The following RANGAP1 variants were observed in gnomAD, a reference collection of about 807,000 sequenced individuals.
RANGAP1 encodes the protein Ran GTPase activating protein 1.
Under a neutral mutation model 63.5 loss-of-function variants are expected in RANGAP1, and 38 were observed. The ratio of observed to expected loss-of-function variants is 0.60; its 90% CI spans 0.46 to 0.78. RANGAP1 has a LOEUF of 0.78. Ranked by LOEUF, RANGAP1 falls within the 30% of genes least tolerant of loss-of-function variation. RANGAP1 has a pLI of 0.00. For missense variants in RANGAP1, 630 were observed against 740.3 expected, an observed-to-expected ratio of 0.85 and a Z score of 1.73; for synonymous variants, 329 against 310.5, an observed-to-expected ratio of 1.06 and a Z score of -0.63.
chr22:41,296,251 A>T, the RANGAP1 span, among the ~76,000 whole-genome samples: 1 of 151,900 alleles, frequency 6.6e-6, no homozygotes, highest in African/African-American at 2.4e-5. Context: ...GAAAAACAAA[A>T]GCTTATAGAT....
intron 8 of RANGAP1, 97 bp from the exon 9 acceptor site, chr22:41,256,387 G>GA: frequency 8.0e-7 from 1 of 1,249,728 alleles, no homozygotes; most frequent in Non-Finnish European, 1.1e-6. Context: ...GGATATGGCA[G>GA]GCTCTGTCCT....
At chr22:41,283,402 G>A (rs1397302484) in intron 1 of RANGAP1, among the ~76,000 whole-genome samples, 2 of 152,056 alleles carry the variant, frequency 1.3e-5, no homozygotes, top group African/African-American at 4.8e-5. Flanking sequence ...CCAGCTACTC[G>A]GGAGGTTGAG....
chr22:41,274,008 GC>G (rs1206095653), intron 3 of RANGAP1, among the ~76,000 whole-genome samples: 2 of 152,170 alleles, frequency 1.3e-5, no homozygotes, highest in Non-Finnish European at 2.9e-5. Flanking sequence ...AACCCAGGAG[GC>G]GGAGATTGCA....
chr22:41,264,657 C>T lies in RANGAP1; in HGVS notation c.480+7G>A, dbSNP rs537661742. 21 of 1,607,980 alleles carry T rather than the reference C, an allele frequency of 1.3e-5. No individual in the cohort carries two copies. In the South Asian group the frequency reaches 1.5e-4, roughly 12 times the overall value. ...GGACTCTGCGGGGAGGGGGCTGCCA[C>T]ACCCACCTTGCCGCCGCCAATGCCC... On this transcript the variant is annotated splice_region_variant and intron_variant, in intron 5 of 15. Coordinates refer to ENST00000356244, the MANE Select transcript of RANGAP1 (RefSeq NM_002883.4).
chr22:41,255,506 A>G (rs979665720), intron 10 of RANGAP1, among the ~76,000 whole-genome samples: 2 of 151,794 alleles, frequency 1.3e-5, no homozygotes, highest in Non-Finnish European at 2.9e-5. Flanking sequence ...AACAATCCCG[A>G]GTGCAGCCCC....
the RANGAP1 span, among the ~76,000 whole-genome samples, chr22:41,295,439 C>T: frequency 6.6e-6 from 1 of 152,168 alleles, no homozygotes; most frequent in Non-Finnish European, 1.5e-5. Flanking sequence ...TGTATCCACT[C>T]AGGGCTGAAT....
intron 3 of RANGAP1, among the ~76,000 whole-genome samples, chr22:41,269,773 T>C (rs1028617736): frequency 6.6e-6 from 1 of 151,468 alleles, no homozygotes; most frequent in Non-Finnish European, 1.5e-5. Context: ...AGAGAAAAAT[T>C]TGAATGTTCC....
intron 5 of RANGAP1, 126 bp from the exon 6 acceptor site, chr22:41,261,706 A>G: frequency 9.0e-7 from 1 of 1,107,940 alleles, no homozygotes; most frequent in Non-Finnish European, 1.3e-6. Context: ...GGGACGCAGG[A>G]CTGCTAACAG....
At chr22:41,284,079 C>G (rs2145861051) in intron 1 of RANGAP1, among the ~76,000 whole-genome samples, 1 of 151,224 alleles carries the variant, frequency 6.6e-6, no homozygotes, top group Non-Finnish European at 1.5e-5. Flanking sequence ...AAACCCGTCT[C>G]CACTAAAAAT....
In RANGAP1 at chr22:41,278,935, G is replaced by A. The variant is rs572676972; in HGVS notation, c.112+1998C>T. Among the ~76,000 whole-genome samples the A allele has an allele frequency of 5.3e-5, 8 of 151,848 alleles. No homozygotes were observed. In the South Asian group the frequency reaches 1.5e-3, roughly 28 times the overall value. ...GAGAGGATCATGAGGTCAGGAGATC[G>A]AGACCATCTTGGCTAACTAACACGG... On this transcript the variant is annotated intron_variant, in intron 2 of 15. Coordinates refer to ENST00000356244, the MANE Select transcript of RANGAP1 (RefSeq NM_002883.4).
chr22:41,275,758 G>A (rs148378614), intron 2 of RANGAP1, among the ~76,000 whole-genome samples: 1,700 of 150,740 alleles, frequency 0.011, 29 homozygotes, highest in African/African-American at 0.04. Flanking sequence ...TAGCCTGGGC[G>A]ACACAGTGAG....
chr22:41,295,560 G>A, the RANGAP1 span, among the ~76,000 whole-genome samples: 5 of 150,576 alleles, frequency 3.3e-5, no homozygotes, highest in African/African-American at 1.2e-4. Flanking sequence ...CACAAACACT[G>A]CGGAAGGCCG....
chr22:41,264,048 G>C (rs1051473847), intron 5 of RANGAP1, among the ~76,000 whole-genome samples: 3 of 152,222 alleles, frequency 2.0e-5, no homozygotes, highest in Non-Finnish European at 4.4e-5. Context: ...TCTCCCTTTG[G>C]TTAGAAAGTG....
the RANGAP1 span, among the ~76,000 whole-genome samples, chr22:41,298,750 C>T: frequency 6.6e-6 from 1 of 152,278 alleles, no homozygotes. Context: ...ATCTGCCCAC[C>T]TCGGCCTCCT....
At chr22:41,290,989 T>C (rs146190933), upstream of RANGAP1, among the ~76,000 whole-genome samples, 31 of 152,324 alleles carry the variant, frequency 2.0e-4, no homozygotes, top group African/African-American at 7.5e-4. Context: ...TCCCCTCCAC[T>C]GGTGGGAGTG....
chr22:41,249,384 T>G lies in RANGAP1; in HGVS notation c.1640A>C (p.Gln547Pro). The G allele has an allele frequency of 1.2e-6, 2 of 1,613,962 alleles. No homozygotes were observed. Among genetic ancestry groups the G allele is most frequent in the Non-Finnish European group, 1.7e-6 (2 of 1,179,916 alleles). Reference protein sequence around the residue: ...GPLMALNHMVQQDYFPKALAP... With the variant: ...GPLMALNHMVPQDYFPKALAP... The stretch of plus-strand genomic sequence containing the variant: ...AAGGGCCTTGGGGAAATAGTCCTGC[T>G]GCACCATGTGGTTCAGCGCCATCAG... Residue 547 changes from glutamine (Q) to proline (P), a missense_variant, in exon 15 of 16, where the codon CAG becomes CCG. Gln to Pro is a moderately conservative substitution (Grantham distance 76). Around this residue, in one of 3 missense-constraint regions of RANGAP1, gnomAD observed 428 missense variants for 465.5 expected, o/e 0.92. Transcript: ENST00000356244.
At chr22:41,263,960 T>C (rs1395481291) in intron 5 of RANGAP1, among the ~76,000 whole-genome samples, 3 of 152,242 alleles carry the variant, frequency 2.0e-5, no homozygotes, top group South Asian at 2.1e-4. Context: ...CCTTTCAGTG[T>C]GGGTGGGAAA....
chr22:41,252,099 G>C (rs2033493556), intron 12 of RANGAP1, among the ~76,000 whole-genome samples: 1 of 152,100 alleles, frequency 6.6e-6, no homozygotes, highest in Non-Finnish European at 1.5e-5. Context: ...TTGGGAGGCC[G>C]AGGTGGGTGG....
Position 41,246,526 on chromosome 22 carries a change from C to A in RANGAP1, c.*77G>T, listed in dbSNP as rs1186102399. The A allele has an allele frequency of 2.1e-6, 3 of 1,435,450 alleles. No individual in the cohort carries two copies. Among genetic ancestry groups the A allele is most frequent in the South Asian group, 1.2e-5 (1 of 80,970 alleles). The allele number at this position is 1,435,450 out of a possible 1,614,324, so 88.9% of individuals were successfully genotyped here. On this transcript the variant is annotated 3_prime_UTR_variant, in exon 16 of 16. Transcript: ENST00000356244. ...GCCAGAGTCCTGTCCAAGGCAATGG[C>A]GTAGGCTGCGCCTCAGTTCATCCGA...
Sources: gnomAD v4.1 joint callset for allele counts (sites outside exome capture counted in the v4.1 genomes callset) on GRCh38, gnomAD v4.1.1 for gene constraint, gnomAD v4.1.1 regional missense constraint, MANE v1.5 for transcripts, NCBI Gene and HGNC (gene_info 2026-07-23, HGNC 2026-07-21) for gene names.